The following MAD1L1 variants were observed in gnomAD, a reference collection of about 807,000 sequenced individuals.
MAD1L1 encodes the protein mitotic arrest deficient 1 like 1.
Under a neutral mutation model 96.9 loss-of-function variants are expected in MAD1L1, and 95 were observed. That is an observed-to-expected ratio of 0.98 (90% CI 0.83 to 1.16). The LOEUF (loss-of-function observed/expected upper bound fraction) is 1.16, where lower values mean the gene tolerates loss of function less well. Ranked by LOEUF, MAD1L1 falls within the 50% of genes most tolerant of loss-of-function variation. The pLI, the probability that MAD1L1 is intolerant of heterozygous loss-of-function variation, is 0.00. For synonymous variants in MAD1L1, 473 were observed against 396.6 expected (o/e 1.19, Z -2.29); for missense variants, 1,007 against 954.4 (o/e 1.06, Z -0.73).
At chr7:1,862,270 G>T (rs2128648103) in intron 18 of MAD1L1, among the ~76,000 whole-genome samples, 1 of 152,318 alleles carries the variant, frequency 6.6e-6, no homozygotes, top group East Asian at 1.9e-4. Flanking sequence ...CAACAGCCTG[G>T]CCCCAGCTGT....
intron 15 of MAD1L1, among the ~76,000 whole-genome samples, chr7:1,959,653 T>C (rs890969110): frequency 2.6e-5 from 4 of 152,138 alleles, no homozygotes; most frequent in Non-Finnish European, 4.4e-5. Flanking sequence ...GAGAAATTTC[T>C]GAAATAACGA....
chr7:1,854,897 C>T (rs946472553), intron 18 of MAD1L1, among the ~76,000 whole-genome samples: 16 of 152,234 alleles, frequency 1.1e-4, no homozygotes, highest in Admixed American at 5.9e-4. Flanking sequence ...GGCCAAACCC[C>T]GAGGGGCAAG....
intron 18 of MAD1L1, among the ~76,000 whole-genome samples, chr7:1,822,758 C>T (rs1273052648): frequency 2.8e-5 from 4 of 144,514 alleles, no homozygotes; most frequent in Non-Finnish European, 6.0e-5. Context: ...TAGAGAGACA[C>T]AAGATTATTC....
intron 17 of MAD1L1, among the ~76,000 whole-genome samples, chr7:1,917,025 C>T (rs1788450740): frequency 2.0e-5 from 3 of 152,182 alleles, no homozygotes; most frequent in Admixed American, 1.3e-4. Context: ...CAGGAATGTC[C>T]TCCACTCCCC....
chr7:2,132,505 G>A (rs771757266), intron 11 of MAD1L1, among the ~76,000 whole-genome samples: 42 of 152,244 alleles, frequency 2.8e-4, no homozygotes, highest in Admixed American at 1.3e-3. Flanking sequence ...TCACGGCCGC[G>A]TGAAGAGTAG....
At chr7:2,153,433 T>C (rs1789676526) in intron 10 of MAD1L1, among the ~76,000 whole-genome samples, 1 of 152,100 alleles carries the variant, frequency 6.6e-6, no homozygotes, top group African/African-American at 2.4e-5. Flanking sequence ...CCAACAGGTA[T>C]ATGAAAAAAT....
chr7:1,918,294 C>G (rs922197776), intron 17 of MAD1L1, among the ~76,000 whole-genome samples: 3 of 152,188 alleles, frequency 2.0e-5, no homozygotes, highest in African/African-American at 7.2e-5. Flanking sequence ...GGGACCTCAG[C>G]CCCAGCGCAG....
intron 11 of MAD1L1, among the ~76,000 whole-genome samples, chr7:2,081,724 C>G (rs936032362): frequency 6.6e-6 from 1 of 152,234 alleles, no homozygotes; most frequent in Non-Finnish European, 1.5e-5. Context: ...GGCCCAGGCC[C>G]GGCGGAGGGG....
chr7:2,096,916 G>T (rs1786522720), intron 11 of MAD1L1, among the ~76,000 whole-genome samples: 1 of 152,130 alleles, frequency 6.6e-6, no homozygotes, highest in Non-Finnish European at 1.5e-5. Flanking sequence ...GTCTGCCACT[G>T]TACCTCCAGG....
At chr7:1,836,006 G>T (rs946573695) in intron 18 of MAD1L1, among the ~76,000 whole-genome samples, 1 of 152,144 alleles carries the variant, frequency 6.6e-6, no homozygotes, top group African/African-American at 2.4e-5. Context: ...GAGCAGTGAG[G>T]ATGACCAGAG....
intron 17 of MAD1L1, among the ~76,000 whole-genome samples, chr7:1,920,959 C>G (rs1246209996): frequency 2.6e-5 from 4 of 152,244 alleles, no homozygotes; most frequent in Non-Finnish European, 2.9e-5. Flanking sequence ...GCTCCTCCTG[C>G]AAAGCTCGGC....
intron 17 of MAD1L1, among the ~76,000 whole-genome samples, chr7:1,903,053 G>A (rs750327087): frequency 4.0e-5 from 6 of 151,244 alleles, no homozygotes; most frequent in African/African-American, 1.2e-4. Context: ...GTGGCCTATG[G>A]AAGACACTCT....
Position 2,144,603 on chromosome 7 carries a change from G to A in MAD1L1, c.1073+4549C>T, listed in dbSNP as rs371911361. ...CAGAGGACTGCAGCCTCCTGTCCCG[G>A]CTCTTCCCACGGCAGAGCTGGGGAC... On this transcript the variant is annotated intron_variant, in intron 11 of 18. Coordinates refer to ENST00000265854, the MANE Select transcript of MAD1L1 (RefSeq NM_001013836.2). Among the ~76,000 whole-genome samples the A allele has an allele frequency of 8.5e-5, 13 of 152,278 alleles. 1 individual carries two copies. The East Asian group carries it at 2.3e-3, about 27-fold the overall frequency.
At chr7:2,013,655 C>G (rs1339291960) in intron 13 of MAD1L1, among the ~76,000 whole-genome samples, 1 of 152,284 alleles carries the variant, frequency 6.6e-6, no homozygotes, top group East Asian at 1.9e-4. Flanking sequence ...CCAGAAGACC[C>G]TGGCAGGTAT....
intron 18 of MAD1L1, among the ~76,000 whole-genome samples, chr7:1,862,362 C>T (rs1052044688): frequency 6.6e-6 from 1 of 152,228 alleles, no homozygotes; most frequent in Non-Finnish European, 1.5e-5. Context: ...CCCTAGAAGA[C>T]GGCAAAGCTC....
chr7:1,933,210 G>C (rs888340424), intron 17 of MAD1L1, among the ~76,000 whole-genome samples: 3 of 152,062 alleles, frequency 2.0e-5, no homozygotes, highest in Non-Finnish European at 4.4e-5. Flanking sequence ...CCTCACTAGG[G>C]GAGGGCACTA....
At chr7:1,909,519 AAG>A (rs1345850846) in intron 17 of MAD1L1, among the ~76,000 whole-genome samples, 5 of 152,214 alleles carry the variant, frequency 3.3e-5, no homozygotes, top group Admixed American at 3.3e-4. Flanking sequence ...CTGGCTCTGC[AAG>A]AGACTGTAGG....
At chr7:1,955,487 C>T (rs2128473181) in intron 16 of MAD1L1, among the ~76,000 whole-genome samples, 1 of 152,292 alleles carries the variant, frequency 6.6e-6, no homozygotes, top group South Asian at 2.1e-4. Flanking sequence ...GGCAGGGTTT[C>T]ACCATGTTGG....
rs188134563 is a variant in MAD1L1, at chr7:1,824,838, C to T, written c.1999-8610G>A. 2.6e-4 allele frequency among the ~76,000 whole-genome samples: 39 copies of T among 152,212 alleles called. No homozygotes were observed. The East Asian group carries it at 6.6e-3, about 26-fold the overall frequency. ...GGCGTCTCAAGTTGAGAATCTGACG[C>T]GTCCCAGGCACTTTCATGCACACAT... On this transcript the variant is annotated intron_variant, in intron 18 of 18. Transcript: ENST00000265854.
Sources: gnomAD v4.1 joint callset for allele counts (sites outside exome capture counted in the v4.1 genomes callset) on GRCh38, gnomAD v4.1.1 for gene constraint, MANE v1.5 for transcripts, NCBI Gene and HGNC (gene_info 2026-07-23, HGNC 2026-07-21) for gene names.